Variants in IFT80 observed in about 807,000 individuals in gnomAD.
IFT80 encodes intraflagellar transport protein 80 homolog.
Under a neutral mutation model 107.9 loss-of-function variants are expected in IFT80, and 79 were observed. The observed-to-expected ratio is 0.73, with a 90% confidence interval of 0.61 to 0.88. The LOEUF is 0.88. IFT80 is among the 40% of genes least tolerant of loss of function. The pLI, the probability that IFT80 is intolerant of heterozygous loss-of-function variation, is 0.00. For missense variants in IFT80, 797 were observed against 914.2 expected (o/e 0.87, Z 1.65); for synonymous variants, 299 against 300.9 (o/e 0.99, Z 0.07).
intron 8 of IFT80, among the ~76,000 whole-genome samples, chr3:160,349,448 C>T (rs943213581): frequency 2.0e-5 from 3 of 147,314 alleles, no homozygotes; most frequent in Non-Finnish European, 4.5e-5. Context: ...GACTCCCTCT[C>T]AAAAAGAAAA....
intron 12 of IFT80, among the ~76,000 whole-genome samples, chr3:160,295,604 A>G (rs1411446546): frequency 1.3e-5 from 2 of 152,100 alleles, no homozygotes; most frequent in African/African-American, 4.8e-5. Flanking sequence ...ATCTCAAAAA[A>G]AAAAAGTTAA....
chr3:160,321,805 T>C (rs1434612091), intron 8 of IFT80, among the ~76,000 whole-genome samples: 2 of 151,782 alleles, frequency 1.3e-5, no homozygotes, highest in African/African-American at 2.4e-5. Context: ...ATTTAAAGTA[T>C]GGTTTTATTT....
intron 8 of IFT80, among the ~76,000 whole-genome samples, chr3:160,347,865 A>G (rs1036992617): frequency 2.0e-5 from 3 of 152,222 alleles, no homozygotes; most frequent in Admixed American, 2.0e-4. Context: ...TGATATGCAT[A>G]TATCTTTGTG....
rs576171606 is a variant in IFT80 at position 160,346,004 on chromosome 3, C to T, written c.777+10009G>A. Reference sequence around the variant, plus strand: ...TGCCTGCATCAAAACATCTCATATACGCCATAAATATCTGCACCTACTGTG... The same window carrying T: ...TGCCTGCATCAAAACATCTCATATATGCCATAAATATCTGCACCTACTGTG... On this transcript the variant is annotated intron_variant, in intron 8 of 19. Coordinates refer to ENST00000326448, the MANE Select transcript of IFT80 (RefSeq NM_020800.3). 1.6e-4 allele frequency among the ~76,000 whole-genome samples: 25 copies of T among 152,034 alleles called. No homozygotes were observed. In the South Asian group the frequency reaches 3.5e-3, roughly 21 times the overall value.
At chr3:160,271,610 A>T (rs1559911895) in intron 18 of IFT80, among the ~76,000 whole-genome samples, 1 of 152,084 alleles carries the variant, frequency 6.6e-6, no homozygotes, top group Non-Finnish European at 1.5e-5. Flanking sequence ...GTTGCAGGCA[A>T]TTTTCAAATT....
At chr3:160,270,240 A>G (rs896275835) in intron 18 of IFT80, among the ~76,000 whole-genome samples, 5 of 152,232 alleles carry the variant, frequency 3.3e-5, no homozygotes, top group Admixed American at 1.3e-4. Context: ...ACCTCAAGTG[A>G]TCTGCCTGCC....
At chr3:160,271,348 T>C (rs902071190) in intron 18 of IFT80, among the ~76,000 whole-genome samples, 1 of 152,186 alleles carries the variant, frequency 6.6e-6, no homozygotes, top group Non-Finnish European at 1.5e-5. Flanking sequence ...AAGGAAGTTA[T>C]ATAAAAAGAT....
chr3:160,340,047 T>C (rs1197715109), intron 8 of IFT80, among the ~76,000 whole-genome samples: 2 of 152,172 alleles, frequency 1.3e-5, no homozygotes, highest in Admixed American at 6.6e-5. Context: ...AAAAATATTC[T>C]ATGCCTCTTT....
chr3:160,358,269 TC>T (rs914018995), intron 6 of IFT80, among the ~76,000 whole-genome samples: 5 of 152,060 alleles, frequency 3.3e-5, no homozygotes, highest in African/African-American at 7.2e-5. Flanking sequence ...TGCCTTGGCC[TC>T]CCAATGTGCG....
chr3:160,279,475 CCAAAAGG>C, intron 15 of IFT80, 111 bp from the exon 16 acceptor site: 1 of 814,110 alleles, frequency 1.2e-6, no homozygotes, highest in Non-Finnish European at 2.1e-6. Context: ...TCTCCAATCT[CCAAAAGG>C]CACACCCCCA....
Position 160,258,626 on chromosome 3 carries a change from C to G in IFT80, c.2233G>C (p.Asp745His), listed in dbSNP as rs773419663. Residue 745 changes from aspartate (D) to histidine (H), a missense_variant, in exon 20 of 20, where the codon GAT (aspartate) becomes CAT (histidine). Transcript: ENST00000326448. ...ATTTTGGCTTTGATTTTCTCCCAATCTATTTGGAGCTGCAATAGAAAAAAA... is the reference window on the plus strand; with the variant it reads ...ATTTTGGCTTTGATTTTCTCCCAATGTATTTGGAGCTGCAATAGAAAAAAA... ...YLHYAEGLQI[D>H]WEKIKAKIEM... The G allele has an allele frequency of 6.2e-7, 1 of 1,608,554 alleles. No homozygotes were observed. The highest frequency in any genetic ancestry group is 8.5e-7 in the Non-Finnish European group (1 of 1,179,106).
chr3:160,263,512 A>G (rs1030764296), intron 19 of IFT80, among the ~76,000 whole-genome samples: 5 of 152,300 alleles, frequency 3.3e-5, no homozygotes, highest in Admixed American at 3.3e-4. Context: ...CAGGGTCCAG[A>G]GCAGTCACTC....
chr3:160,266,850 A>C (rs1309131846), intron 19 of IFT80, among the ~76,000 whole-genome samples: 1 of 152,152 alleles, frequency 6.6e-6, no homozygotes, highest in Non-Finnish European at 1.5e-5. Context: ...TGTGACACAA[A>C]GATCAGATTA....
intron 13 of IFT80, among the ~76,000 whole-genome samples, chr3:160,283,752 A>C (rs1157883600): frequency 1.3e-5 from 2 of 152,210 alleles, no homozygotes; most frequent in Admixed American, 6.5e-5. Flanking sequence ...GAAATTAAAA[A>C]TCAAAGATGG....
chr3:160,288,194 G>A (rs545039005), intron 12 of IFT80, among the ~76,000 whole-genome samples: 60 of 152,224 alleles, frequency 3.9e-4, no homozygotes, highest in African/African-American at 1.3e-3. Flanking sequence ...TTAGCCAGGC[G>A]TGGCAGCCTG....
intron 18 of IFT80, among the ~76,000 whole-genome samples, chr3:160,270,440 T>C (rs184236681): frequency 1.3e-5 from 2 of 152,246 alleles, no homozygotes; most frequent in Non-Finnish European, 2.9e-5. Context: ...GTAAGTTATA[T>C]ATAATACAAA....
chr3:160,393,759 A>G (rs1169656001), intron 1 of IFT80, among the ~76,000 whole-genome samples: 1 of 152,362 alleles, frequency 6.6e-6, no homozygotes, highest in East Asian at 1.9e-4. Flanking sequence ...TAGATGATAA[A>G]CAGGGAGACC....
intron 12 of IFT80, among the ~76,000 whole-genome samples, chr3:160,288,157 C>T (rs1037935034): frequency 3.3e-5 from 5 of 152,078 alleles, no homozygotes; most frequent in African/African-American, 7.2e-5. Context: ...ATCCTGGCTA[C>T]GATGTCTCTA....
rs1204414489 is a variant in IFT80 at position 160,356,078 on chromosome 3, C to T, written c.712G>A (p.Ala238Thr). 10 of 1,613,942 alleles carry T rather than the reference C, an allele frequency of 6.2e-6. No homozygotes were observed. Among genetic ancestry groups the T allele is most frequent in the Non-Finnish European group, 6.8e-6 (8 of 1,179,940 alleles). ...ACAGCAAATAATTCTCCATCTGGAGCCCAGGCAACTGAAGTAATGGGATGC... is the reference window on the plus strand; with the variant it reads ...ACAGCAAATAATTCTCCATCTGGAGTCCAGGCAACTGAAGTAATGGGATGC... ...HEHPITSVAW[A>T]PDGELFAVGS... is the part of the protein sequence containing the mutation. The change falls in exon 8 of 20, where the codon GCT (alanine) becomes ACT (threonine). Residue 238 changes from alanine to threonine, a missense_variant. Coordinates refer to ENST00000326448, the MANE Select transcript of IFT80 (RefSeq NM_020800.3).
Sources: allele counts gnomAD v4.1 joint callset (sites outside exome capture counted in the v4.1 genomes callset), GRCh38; gene constraint gnomAD v4.1.1; transcripts MANE v1.5; gene names NCBI Gene and HGNC (gene_info 2026-07-23, HGNC 2026-07-21).